Variants in PEAK1 observed in about 807,000 individuals in gnomAD.
PEAK1 encodes pseudopodium enriched atypical kinase 1, also known as inactive tyrosine-protein kinase PEAK1.
A neutral mutation model predicts 124.7 loss-of-function variants in PEAK1; 54 were observed. The observed-to-expected ratio is 0.43, with a 90% CI of 0.35 to 0.54. The LOEUF (loss-of-function observed/expected upper bound fraction) is 0.54, where lower values mean the gene tolerates loss of function less well. Ranked by LOEUF, PEAK1 falls within the 20% of genes least tolerant of loss-of-function variation. The pLI, the probability that PEAK1 is intolerant of heterozygous loss-of-function variation, is 0.01. For missense variants in PEAK1, 2,046 were observed against 2,134.5 expected, an observed-to-expected ratio of 0.96 and a Z score of 0.82; for synonymous variants, 719 against 760.0, an observed-to-expected ratio of 0.95 and a Z score of 0.89.
chr15:77,216,389 T>C (rs1209427269), intron 6 of PEAK1, among the ~76,000 whole-genome samples: 1 of 152,204 alleles, frequency 6.6e-6, no homozygotes, highest in Non-Finnish European at 1.5e-5. Context: ...TTTAAGGTGT[T>C]AAGAAGAATA....
At chr15:77,171,250 T>G (rs78422281) in intron 7 of PEAK1, among the ~76,000 whole-genome samples, 3 of 152,180 alleles carry the variant, frequency 2.0e-5, no homozygotes, top group Non-Finnish European at 4.4e-5. Context: ...CTCTTAAAAA[T>G]TGAGAATCAC....
chr15:77,274,146 C>T (rs1413993344), intron 5 of PEAK1, among the ~76,000 whole-genome samples: 2 of 152,114 alleles, frequency 1.3e-5, no homozygotes, highest in Non-Finnish European at 2.9e-5. Context: ...CAAAGATTTA[C>T]ATCTGAGACA....
intron 8 of PEAK1, among the ~76,000 whole-genome samples, chr15:77,149,057 G>C (rs541157347): frequency 5.9e-5 from 9 of 152,300 alleles, no homozygotes; most frequent in Admixed American, 2.6e-4. Flanking sequence ...CTATAAAGCA[G>C]ATGTCACTAT....
rs758426465 is a variant in PEAK1, at chr15:77,378,188, T to TTATA, written c.-665-12967_-665-12964dup. Among the ~76,000 whole-genome samples, 798 of 129,680 alleles carry TTATA rather than the reference T, an allele frequency of 6.2e-3. 7 individuals are homozygous for TTATA. Among genetic ancestry groups the TTATA allele is most frequent in the African/African-American group, 6.5e-3 (247 of 38,024 alleles). 85.1% of individuals were successfully genotyped at this position (129,680 alleles called of 152,430 possible). On this transcript the variant is annotated intron_variant, in intron 1 of 9. Coordinates refer to ENST00000682557, the MANE Select transcript of PEAK1 (RefSeq NM_001385026.1). ...ACTGCACTGACTCTGTATAACAATATTATATATATATATATATATACATAA... is the reference window on the plus strand; with the variant it reads ...ACTGCACTGACTCTGTATAACAATATTATATATATATATATATATATATACATAA...
intron 5 of PEAK1, among the ~76,000 whole-genome samples, chr15:77,261,646 A>C (rs1224846844): frequency 6.6e-6 from 1 of 152,214 alleles, no homozygotes; most frequent in African/African-American, 2.4e-5. Flanking sequence ...GTGTACCTGA[A>C]AGTGACGGGG....
intron 6 of PEAK1, among the ~76,000 whole-genome samples, chr15:77,236,086 G>A (rs1473297495): frequency 6.6e-6 from 1 of 152,248 alleles, no homozygotes; most frequent in Non-Finnish European, 1.5e-5. Context: ...CTAGGGCAGT[G>A]TGGAAAGGAA....
At chr15:77,226,777 G>A (rs1217091251) in intron 6 of PEAK1, among the ~76,000 whole-genome samples, 4 of 152,102 alleles carry the variant, frequency 2.6e-5, no homozygotes, top group Non-Finnish European at 5.9e-5. Context: ...CTTAACATAT[G>A]CCAGGCACTT....
In PEAK1 at chr15:77,178,834, C is replaced by T. The variant is rs1056874207; in HGVS notation, c.3093G>A (p.Lys1031=). Reference sequence around the variant, plus strand: ...TCTGTGATGGAGAAGAATGACTCCTCTTCTTCTCTGAGTCCTGTAGTAATG... The same window carrying T: ...TCTGTGATGGAGAAGAATGACTCCTTTTCTTCTCTGAGTCCTGTAGTAATG... ...ENALLQDSEK[K]RSHSSPSQIP... The change falls in exon 7 of 10, where the codon AAG becomes AAA. Residue 1031 remains lysine (K), a synonymous_variant. Transcript: ENST00000682557. 6.2e-7 allele frequency: 1 copy of T among 1,613,814 alleles called. No homozygotes were observed. Among genetic ancestry groups the T allele is most frequent in the Non-Finnish European group, 8.5e-7 (1 of 1,179,768 alleles).
At chr15:77,193,158 T>C (rs2057926877) in intron 6 of PEAK1, among the ~76,000 whole-genome samples, 1 of 152,212 alleles carries the variant, frequency 6.6e-6, no homozygotes, top group Non-Finnish European at 1.5e-5. Flanking sequence ...CAGAGATCTT[T>C]AATAACCTGA....
At chr15:77,315,030 T>C (rs2064785112) in intron 2 of PEAK1, among the ~76,000 whole-genome samples, 1 of 152,046 alleles carries the variant, frequency 6.6e-6, no homozygotes, top group South Asian at 2.1e-4. Flanking sequence ...AACCTGCCCA[T>C]GTGTTCCCTG....
chr15:77,394,645 A>G (rs2070747707), intron 1 of PEAK1, among the ~76,000 whole-genome samples: 1 of 152,196 alleles, frequency 6.6e-6, no homozygotes, highest in African/African-American at 2.4e-5. Flanking sequence ...CCCTTCAAAT[A>G]CCTAGAAAGT....
At chr15:77,182,749 CAAA>C (rs71143395) in intron 6 of PEAK1, among the ~76,000 whole-genome samples, 7 of 65,144 alleles carry the variant, frequency 1.1e-4, no homozygotes, top group Non-Finnish European at 1.6e-4. Context: ...GACCTTGTCT[CAAA>C]AAAAAAAAAA....
At chr15:77,313,648 A>ATG (rs1220086755) in intron 2 of PEAK1, among the ~76,000 whole-genome samples, 3,231 of 86,818 alleles carry the variant, frequency 0.037, 62 homozygotes, top group Non-Finnish European at 0.042. Flanking sequence ...GTATGTATGT[A>ATG]TGTATGTGTG....
intron 6 of PEAK1, among the ~76,000 whole-genome samples, chr15:77,221,384 G>T (rs895086537): frequency 2.0e-5 from 3 of 152,040 alleles, no homozygotes; most frequent in Non-Finnish European, 4.4e-5. Context: ...CATTAACCAG[G>T]TTTTATATTA....
chr15:77,268,526 C>T (rs999785701), intron 5 of PEAK1, among the ~76,000 whole-genome samples: 8 of 150,488 alleles, frequency 5.3e-5, no homozygotes, highest in African/African-American at 2.0e-4. Flanking sequence ...TGTTAAATGA[C>T]CAAATTTAAG....
chr15:77,420,205 C>CCGCGCGCCGCCCCTCCG (rs2073269286), upstream of PEAK1: 1 of 150,610 alleles, frequency 6.6e-6, no homozygotes, highest in Admixed American at 6.6e-5. Context: ...CCTCTCGGCC[C>CCGCGCGCCGCCCCTCCG]CGCGCGCCGC....
intron 5 of PEAK1, among the ~76,000 whole-genome samples, chr15:77,261,313 C>G (rs1016574017): frequency 6.6e-6 from 1 of 152,144 alleles, no homozygotes; most frequent in Non-Finnish European, 1.5e-5. Flanking sequence ...TTCAGACGAT[C>G]AAACTACTCC....
Position 77,304,872 on chromosome 15 carries a change from T to C in PEAK1, c.-602-18368A>G, listed in dbSNP as rs985913192. 2.0e-5 allele frequency among the ~76,000 whole-genome samples: 3 copies of C among 152,084 alleles called. No homozygotes were observed. In the South Asian group the frequency reaches 6.2e-4, roughly 32 times the overall value. ...TTCATATACAAATCACCTAGCCTACTTGGACTTGAGGTTTCCTATCTGTAC... is the reference window on the plus strand; with the variant it reads ...TTCATATACAAATCACCTAGCCTACCTGGACTTGAGGTTTCCTATCTGTAC... On this transcript the variant is annotated intron_variant, in intron 2 of 9. Transcript: ENST00000682557.
chr15:77,352,937 TA>T (rs2067295225), intron 2 of PEAK1: 1 of 985,216 alleles, frequency 1.0e-6, no homozygotes, highest in African/African-American at 1.7e-5. Context: ...TAATGTATTG[TA>T]CTGCTCTTCT....
Sources: allele counts gnomAD v4.1 joint callset (sites outside exome capture counted in the v4.1 genomes callset), GRCh38; gene constraint gnomAD v4.1.1; transcripts MANE v1.5; gene names NCBI Gene and HGNC (gene_info 2026-07-23, HGNC 2026-07-21).